Variants in DISC1 observed in about 807,000 individuals in gnomAD.
The protein encoded by DISC1 is disrupted in schizophrenia 1 protein.
Under a neutral mutation model 84.5 loss-of-function variants are expected in DISC1, and 57 were observed. The observed-to-expected ratio is 0.67, with a 90% CI of 0.55 to 0.84. The LOEUF (loss-of-function observed/expected upper bound fraction) is 0.84, where lower values mean the gene tolerates loss of function less well. Among genes scored for constraint, DISC1 ranks in the 40% least tolerant of loss-of-function variants. The pLI, the probability that DISC1 is intolerant of heterozygous loss-of-function variation, is 0.00. For synonymous variants in DISC1, 411 were observed against 415.2 expected, an observed-to-expected ratio of 0.99 and a Z score of 0.12; for missense variants, 1,000 against 1,057.8, an observed-to-expected ratio of 0.95 and a Z score of 0.76.
intron 6 of DISC1, among the ~76,000 whole-genome samples, chr1:231,793,940 ATTTAT>A (rs1175492460): frequency 6.6e-6 from 1 of 152,142 alleles, no homozygotes; most frequent in Non-Finnish European, 1.5e-5. Context: ...GACTAAATAA[ATTTAT>A]TTTATTTTAT....
intron 9 of DISC1, among the ~76,000 whole-genome samples, chr1:231,921,137 A>G (rs543744195): frequency 1.3e-5 from 2 of 151,918 alleles, no homozygotes; most frequent in Non-Finnish European, 1.5e-5. Context: ...GGTAGTCTCA[A>G]TCTCCTGACC....
At chr1:231,709,925 C>T (rs1356347380) in intron 3 of DISC1, among the ~76,000 whole-genome samples, 6 of 152,166 alleles carry the variant, frequency 3.9e-5, no homozygotes, top group African/African-American at 1.4e-4. Flanking sequence ...TTTGAAGCTG[C>T]TCTCATAGGT....
chr1:231,896,069 C>T (rs967433), intron 9 of DISC1, among the ~76,000 whole-genome samples: 79,153 of 151,892 alleles, frequency 0.52, 20,862 homozygotes, highest in East Asian at 0.62. Flanking sequence ...TGTGGAGTCA[C>T]GGCAACTTTC....
At chr1:232,018,858 C>T (rs932354317) in intron 11 of DISC1, among the ~76,000 whole-genome samples, 5 of 152,140 alleles carry the variant, frequency 3.3e-5, no homozygotes, top group African/African-American at 1.2e-4. Context: ...AGAAAATTAT[C>T]CCAGATAAGG....
At chr1:231,965,104 T>TATCA (rs1437764916) in intron 10 of DISC1, among the ~76,000 whole-genome samples, 1 of 152,210 alleles carries the variant, frequency 6.6e-6, no homozygotes, top group Non-Finnish European at 1.5e-5. Flanking sequence ...ATCTATTCTC[T>TATCA]ATCAAGTATA....
intron 9 of DISC1, chr1:231,944,976 T>C (rs1228310288): frequency 1.3e-5 from 2 of 152,070 alleles, no homozygotes; most frequent in Non-Finnish European, 2.9e-5. Context: ...CGGCTTAGAC[T>C]CCCACACAAT....
At chr1:231,880,760 G>T (rs990558333) in intron 9 of DISC1, among the ~76,000 whole-genome samples, 1 of 151,932 alleles carries the variant, frequency 6.6e-6, no homozygotes, top group Non-Finnish European at 1.5e-5. Flanking sequence ...GCAAGGTGGG[G>T]GGGGGGTGAA....
At position 231,897,185 on chromosome 1, in the gene DISC1, G is replaced by A. The variant is rs7514897; in HGVS notation, c.1982-61643G>A. On this transcript the variant is annotated intron_variant, in intron 9 of 12. Coordinates refer to ENST00000439617, the MANE Select transcript of DISC1 (RefSeq NM_018662.3). The surrounding 1 kb of genome is among the most constrained non-coding windows in gnomAD (Gnocchi z 4.5). The stretch of plus-strand genomic sequence containing the variant: ...GATGAGTGGGATTTCAACAGACAGA[G>A]GCTGTAGGGCTGAGCACTTGAAACA... Among the ~76,000 whole-genome samples, 19,381 of 152,178 alleles carry A rather than the reference G, an allele frequency of 0.13. 1,353 individuals carry two copies. Among genetic ancestry groups the A allele is most frequent in the East Asian group, 0.26 (1,354 of 5,150 alleles).
At chr1:231,947,553 A>T (rs1406504896) in intron 9 of DISC1, among the ~76,000 whole-genome samples, 11 of 152,234 alleles carry the variant, frequency 7.2e-5, no homozygotes, top group Non-Finnish European at 1.6e-4. Flanking sequence ...GTGGGCAAAG[A>T]CTTCATGTCT....
chr1:231,832,298 C>G (rs1267529261), intron 9 of DISC1, among the ~76,000 whole-genome samples: 2 of 151,228 alleles, frequency 1.3e-5, no homozygotes, highest in African/African-American at 4.9e-5. Flanking sequence ...CCGCTGCACG[C>G]AGACATGAGG....
intron 9 of DISC1, among the ~76,000 whole-genome samples, chr1:231,865,299 G>A (rs920785713): frequency 4.6e-5 from 7 of 152,270 alleles, no homozygotes; most frequent in East Asian, 1.9e-4. Flanking sequence ...AGTATCATTC[G>A]TTAATGCCCA....
At chr1:231,929,537 C>G (rs1201778208) in intron 9 of DISC1, among the ~76,000 whole-genome samples, 1 of 152,214 alleles carries the variant, frequency 6.6e-6, no homozygotes, top group Non-Finnish European at 1.5e-5. Flanking sequence ...TGCGCTGCCT[C>G]AGAGCACGGC....
intron 4 of DISC1, among the ~76,000 whole-genome samples, chr1:231,754,038 C>T (rs1369611289): frequency 6.6e-6 from 1 of 152,170 alleles, no homozygotes; most frequent in Non-Finnish European, 1.5e-5. Flanking sequence ...CATATCACTA[C>T]CAGCATTTTG....
chr1:231,705,509 T>A (rs2066980214), intron 3 of DISC1, among the ~76,000 whole-genome samples: 1 of 151,772 alleles, frequency 6.6e-6, no homozygotes, highest in African/African-American at 2.4e-5. Context: ...AGGGCACTGT[T>A]ACCATGAGCC....
At chr1:231,726,594 AC>A (rs2070743069) in intron 3 of DISC1, among the ~76,000 whole-genome samples, 1 of 152,188 alleles carries the variant, frequency 6.6e-6, no homozygotes, top group Non-Finnish European at 1.5e-5. Flanking sequence ...GGCAGGGAAG[AC>A]GGGCTGTATT....
chr1:231,817,083 T>C (rs531523987), intron 8 of DISC1, among the ~76,000 whole-genome samples: 17 of 152,250 alleles, frequency 1.1e-4, no homozygotes, highest in Non-Finnish European at 1.8e-4. Flanking sequence ...GGGCTCATTC[T>C]TCTAGATTTT....
chr1:231,903,572 A>G (rs1055142836), intron 9 of DISC1, among the ~76,000 whole-genome samples: 11 of 152,234 alleles, frequency 7.2e-5, no homozygotes, highest in Non-Finnish European at 1.3e-4. Context: ...CTGTGTGGTC[A>G]GAGAAGGCCT....
intron 9 of DISC1, among the ~76,000 whole-genome samples, chr1:231,927,373 T>G (rs1382869307): frequency 6.6e-6 from 1 of 152,236 alleles, no homozygotes; most frequent in East Asian, 1.9e-4. Context: ...AGCCTGATGC[T>G]TCAACTTCCC....
At chr1:231,678,553 A>T (rs1037911421) in intron 1 of DISC1, among the ~76,000 whole-genome samples, 8 of 152,254 alleles carry the variant, frequency 5.3e-5, no homozygotes, top group Admixed American at 5.2e-4. Context: ...TTTTCCCCAG[A>T]TGAGAAAACA....
Sources: gnomAD v4.1 joint callset for allele counts (sites outside exome capture counted in the v4.1 genomes callset) on GRCh38, gnomAD v4.1.1 for gene constraint, Gnocchi (gnomAD v3.1) non-coding constraint, MANE v1.5 for transcripts, NCBI Gene and HGNC (gene_info 2026-07-23, HGNC 2026-07-21) for gene names.